CDK14: variants seen among roughly 807,000 people sequenced by gnomAD.
The protein encoded by CDK14 is cyclin-dependent kinase 14.
In CDK14, 34 loss-of-function variants were observed where a neutral mutation model predicts 60.7. That is an observed-to-expected ratio of 0.56 (90% confidence interval 0.43 to 0.75). The LOEUF (loss-of-function observed/expected upper bound fraction) is 0.75. CDK14 is among the 30% of genes least tolerant of loss of function. CDK14 has a pLI of 0.00. For synonymous variants in CDK14, 197 were observed against 203.7 expected (o/e 0.97, Z 0.28); for missense variants, 482 against 564.1 (o/e 0.85, Z 1.47).
At position 90,608,976 on chromosome 7, in the gene CDK14, CTT is replaced by C. The variant is rs540363051; in HGVS notation, c.123+4729_123+4730del. 1.3e-3 allele frequency among the ~76,000 whole-genome samples: 192 copies of C among 152,258 alleles called. 1 individual carries two copies. The highest frequency in any genetic ancestry group is 4.4e-3 in the African/African-American group (183 of 41,556). ...ATATTGGCTTCTAGTCCATGTCCCT[CTT>C]TGTTATTTTATATAAAGATATAATA... On this transcript the variant is annotated intron_variant, in intron 2 of 14. Transcript: ENST00000380050.
chr7:91,101,172 A>G (rs750332382), intron 12 of CDK14, among the ~76,000 whole-genome samples: 1 of 152,232 alleles, frequency 6.6e-6, no homozygotes, highest in Non-Finnish European at 1.5e-5. Context: ...GTTCTTAAGG[A>G]AAACTTTAGG....
At chr7:90,740,229 A>C (rs1285953928) in intron 3 of CDK14, among the ~76,000 whole-genome samples, 1 of 148,370 alleles carries the variant, frequency 6.7e-6, no homozygotes, top group Admixed American at 6.8e-5. Context: ...ACATATACAT[A>C]TATATGTGTA....
intron 10 of CDK14, among the ~76,000 whole-genome samples, chr7:91,034,969 C>CACAA (rs1554408712): frequency 7.9e-5 from 12 of 151,876 alleles, no homozygotes; most frequent in African/African-American, 2.9e-4. Context: ...CACACACACA[C>CACAA]ACACACACAT....
intron 10 of CDK14, among the ~76,000 whole-genome samples, chr7:91,020,853 G>A (rs186125320): frequency 5.3e-5 from 8 of 152,330 alleles, no homozygotes; most frequent in East Asian, 1.9e-4. Flanking sequence ...AGGCTACAGC[G>A]TGGGTGTTGG....
At chr7:91,191,349 G>A (rs1802355852) in intron 14 of CDK14, among the ~76,000 whole-genome samples, 1 of 151,820 alleles carries the variant, frequency 6.6e-6, no homozygotes, top group African/African-American at 2.4e-5. Context: ...GAAAATAAAG[G>A]GAGTGAGTCT....
At chr7:90,619,570 T>C (rs1023899250) in intron 2 of CDK14, among the ~76,000 whole-genome samples, 2 of 152,224 alleles carry the variant, frequency 1.3e-5, no homozygotes, top group African/African-American at 2.4e-5. Context: ...TCTATAAATA[T>C]TTAATAACCA....
At chr7:91,149,377 T>C (rs893149200) in intron 14 of CDK14, among the ~76,000 whole-genome samples, 19 of 152,252 alleles carry the variant, frequency 1.2e-4, no homozygotes, top group African/African-American at 4.3e-4. Context: ...TGTGCCACCT[T>C]ACTTGAGTAC....
At chr7:91,168,417 C>T (rs1441111124) in intron 14 of CDK14, among the ~76,000 whole-genome samples, 1 of 152,116 alleles carries the variant, frequency 6.6e-6, no homozygotes, top group African/African-American at 2.4e-5. Context: ...ATATTTATTA[C>T]AGTCAAGAAA....
chr7:90,856,690 G>A (rs1377749902), intron 5 of CDK14, among the ~76,000 whole-genome samples: 1 of 152,092 alleles, frequency 6.6e-6, no homozygotes, highest in Non-Finnish European at 1.5e-5. Flanking sequence ...GAATATTTTA[G>A]CTATGAAAAT....
chr7:90,888,711 C>A (rs1291824275), intron 6 of CDK14, among the ~76,000 whole-genome samples: 1 of 152,202 alleles, frequency 6.6e-6, no homozygotes, highest in African/African-American at 2.4e-5. Flanking sequence ...TCTACCCTGA[C>A]TTGGACTCCA....
At chr7:91,140,122 A>G (rs933463612) in intron 14 of CDK14, among the ~76,000 whole-genome samples, 1 of 152,156 alleles carries the variant, frequency 6.6e-6, no homozygotes, top group African/African-American at 2.4e-5. Context: ...GACACGAGTG[A>G]GAAGGATTTG....
At chr7:90,893,479 G>C (rs988020338) in intron 6 of CDK14, among the ~76,000 whole-genome samples, 5 of 152,212 alleles carry the variant, frequency 3.3e-5, no homozygotes, top group East Asian at 3.9e-4. Flanking sequence ...AGAGTGAGCT[G>C]TTGGTCATAT....
intron 10 of CDK14, among the ~76,000 whole-genome samples, chr7:91,010,590 A>AT (rs1396465272): frequency 6.6e-6 from 1 of 151,982 alleles, no homozygotes; most frequent in Non-Finnish European, 1.5e-5. Context: ...TTATATTCAT[A>AT]TTATATCCTG....
chr7:90,639,575 AG>A, intron 2 of CDK14, among the ~76,000 whole-genome samples: 1 of 151,634 alleles, frequency 6.6e-6, no homozygotes, highest in East Asian at 2.0e-4. Flanking sequence ...CTCGGGGGTC[AG>A]GGGTCAGGGA....
rs572898250 is a variant in CDK14, at chr7:91,011,518, A to G, written c.1041+27277A>G. Among the ~76,000 whole-genome samples, 12 of 152,048 alleles carry G rather than the reference A, an allele frequency of 7.9e-5. No homozygotes were observed. The South Asian group carries it at 1.0e-3, about 13-fold the overall frequency. On this transcript the variant is annotated intron_variant, in intron 10 of 14. Coordinates refer to ENST00000380050, the MANE Select transcript of CDK14 (RefSeq NM_001287135.2). ...GAAAATTTTAGGCTATTGTTTCCTA[A>G]TATATTTTGTTTCTGCCTCCTATTC...
At chr7:90,741,344 T>C (rs1803334729) in intron 3 of CDK14, among the ~76,000 whole-genome samples, 1 of 152,220 alleles carries the variant, frequency 6.6e-6, no homozygotes, top group African/African-American at 2.4e-5. Flanking sequence ...CTCCTCAGTC[T>C]GCACAGCTTT....
At chr7:91,074,838 C>T (rs1798249236) in intron 11 of CDK14, among the ~76,000 whole-genome samples, 3 of 152,048 alleles carry the variant, frequency 2.0e-5, no homozygotes, top group Admixed American at 6.6e-5. Flanking sequence ...GAAGTACAAA[C>T]TACCATCAGA....
chr7:90,867,554 C>T (rs543191201), intron 6 of CDK14, among the ~76,000 whole-genome samples: 4 of 152,102 alleles, frequency 2.6e-5, no homozygotes, highest in African/African-American at 7.2e-5. Context: ...CAGCATTTTT[C>T]ATTACATATT....
At chr7:91,114,742 G>C (rs941444863) in intron 13 of CDK14, among the ~76,000 whole-genome samples, 1 of 152,140 alleles carries the variant, frequency 6.6e-6, no homozygotes, top group Non-Finnish European at 1.5e-5. Flanking sequence ...TCTGTGTCTA[G>C]AAGATAATCA....
Sources: gnomAD v4.1 joint callset for allele counts (sites outside exome capture counted in the v4.1 genomes callset) on GRCh38, gnomAD v4.1.1 for gene constraint, MANE v1.5 for transcripts, NCBI Gene and HGNC (gene_info 2026-07-23, HGNC 2026-07-21) for gene names.